The following THSD7B variants were observed in gnomAD, a reference collection of about 807,000 sequenced individuals.
THSD7B encodes thrombospondin type 1 domain containing 7B.
In THSD7B, 138 loss-of-function variants were observed where a neutral mutation model predicts 213.6. The observed-to-expected ratio is 0.65, with a 90% CI of 0.56 to 0.74. The LOEUF (loss-of-function observed/expected upper bound fraction) is 0.74, where lower values mean the gene tolerates loss of function less well. Among genes scored for constraint, THSD7B ranks in the 30% least tolerant of loss-of-function variants. THSD7B has a pLI of 0.00. For synonymous variants in THSD7B, 742 were observed against 687.0 expected (o/e 1.08, Z -1.25); for missense variants, 1,931 against 1,991.5 (o/e 0.97, Z 0.58).
rs772177834 is a variant in THSD7B, at chr2:137,655,674, G to A, written c.4105+14G>A. ...TGCCTTGCCCAGGTATGCAATGCTA[G>A]TGATTGGGAGCGCCTCCCATGGTGA... On this transcript the variant is annotated intron_variant, in intron 22 of 27. Transcript: ENST00000409968. The A allele has an allele frequency of 7.5e-6, 12 of 1,609,416 alleles. No homozygotes were observed. Among genetic ancestry groups the A allele is most frequent in the Non-Finnish European group, 1.0e-5 (12 of 1,177,412 alleles).
intron 2 of THSD7B, among the ~76,000 whole-genome samples, chr2:136,924,184 C>T (rs764195517): frequency 1.3e-5 from 2 of 152,126 alleles, no homozygotes; most frequent in East Asian, 1.9e-4. Context: ...TGGGTTCAAG[C>T]GATTTTCCTG....
At chr2:136,859,256 A>G (rs1200529452) in intron 1 of THSD7B, among the ~76,000 whole-genome samples, 1 of 152,208 alleles carries the variant, frequency 6.6e-6, no homozygotes, top group Non-Finnish European at 1.5e-5. Context: ...CCATCATTTT[A>G]TCATTTTAAA....
At chr2:137,404,466 T>TAC (rs1267898611) in intron 12 of THSD7B, among the ~76,000 whole-genome samples, 77 of 73,958 alleles carry the variant, frequency 1.0e-3, no homozygotes, top group Admixed American at 1.6e-3. Context: ...TATATATATA[T>TAC]ATATATATAC....
intron 7 of THSD7B, among the ~76,000 whole-genome samples, chr2:137,189,803 A>T (rs1022606453): frequency 6.6e-6 from 1 of 152,022 alleles, no homozygotes; most frequent in Non-Finnish European, 1.5e-5. Context: ...TATTTCACAC[A>T]AACTTCTTAC....
At chr2:136,933,735 T>A (rs1684672319) in intron 2 of THSD7B, among the ~76,000 whole-genome samples, 2 of 152,284 alleles carry the variant, frequency 1.3e-5, no homozygotes, top group East Asian at 3.9e-4. Context: ...CCCCCATCCT[T>A]CAGTATTATC....
At chr2:136,930,501 C>T (rs927627171) in intron 2 of THSD7B, among the ~76,000 whole-genome samples, 1 of 152,196 alleles carries the variant, frequency 6.6e-6, no homozygotes, top group African/African-American at 2.4e-5. Flanking sequence ...ACAGGCCATA[C>T]AAAACCATGA....
At chr2:137,588,760 C>CTTTA (rs137892635) in intron 17 of THSD7B, among the ~76,000 whole-genome samples, 17,178 of 147,010 alleles carry the variant, frequency 0.12, 1,095 homozygotes, top group Middle Eastern at 0.16. Context: ...TCATGTTGTC[C>CTTTA]TTTATTTATT....
intron 5 of THSD7B, among the ~76,000 whole-genome samples, chr2:137,141,096 A>G (rs1051248945): frequency 3.9e-5 from 6 of 152,088 alleles, no homozygotes; most frequent in Admixed American, 3.9e-4. Flanking sequence ...TCTCACATGG[A>G]GGAGTGTGAG....
chr2:137,073,458 C>T (rs143963831), intron 3 of THSD7B, among the ~76,000 whole-genome samples: 66 of 149,758 alleles, frequency 4.4e-4, no homozygotes, highest in Non-Finnish European at 3.5e-4. Context: ...ATATCCATTG[C>T]ATCTATTTGA....
intron 15 of THSD7B, among the ~76,000 whole-genome samples, chr2:137,474,237 T>G (rs1688150276): frequency 6.6e-6 from 1 of 152,224 alleles, no homozygotes; most frequent in African/African-American, 2.4e-5. Flanking sequence ...ACTATAGTTT[T>G]TCCAGAAATT....
chr2:137,549,928 C>T (rs1037764365), intron 15 of THSD7B, among the ~76,000 whole-genome samples: 3 of 151,818 alleles, frequency 2.0e-5, no homozygotes, highest in Non-Finnish European at 4.4e-5. Flanking sequence ...TGCTTTTTTT[C>T]ACTTGAACTT....
At chr2:137,167,073 GT>G (rs1191571098) in intron 6 of THSD7B, among the ~76,000 whole-genome samples, 1 of 152,140 alleles carries the variant, frequency 6.6e-6, no homozygotes, top group Non-Finnish European at 1.5e-5. Context: ...TTCACTCAGA[GT>G]TGTTACCCAA....
At chr2:136,825,617 C>T (rs992998481) in intron 1 of THSD7B, among the ~76,000 whole-genome samples, 10 of 151,868 alleles carry the variant, frequency 6.6e-5, no homozygotes, top group East Asian at 3.9e-4. Flanking sequence ...TGCAGTGGCG[C>T]GATCTTGGCT....
chr2:137,539,601 A>G (rs1004198202), intron 15 of THSD7B, among the ~76,000 whole-genome samples: 4 of 151,728 alleles, frequency 2.6e-5, no homozygotes, highest in African/African-American at 9.7e-5. Flanking sequence ...TGTATAGAGG[A>G]TGAATTTACT....
intron 7 of THSD7B, among the ~76,000 whole-genome samples, chr2:137,230,707 C>A (rs13421180): frequency 0.061 from 9,237 of 152,114 alleles, 743 homozygotes; most frequent in African/African-American, 0.18. Flanking sequence ...TTCAGGTGAA[C>A]GGACAGCTCT....
intron 1 of THSD7B, among the ~76,000 whole-genome samples, chr2:136,797,436 C>T (rs1682091117): frequency 6.6e-6 from 1 of 151,966 alleles, no homozygotes; most frequent in Non-Finnish European, 1.5e-5. Flanking sequence ...AGTGAATAAA[C>T]TCAAAGAAGA....
At chr2:137,066,329 C>T (rs1181469712) in intron 3 of THSD7B, among the ~76,000 whole-genome samples, 1 of 151,432 alleles carries the variant, frequency 6.6e-6, no homozygotes, top group African/African-American at 2.4e-5. Flanking sequence ...GTAGCTGGGA[C>T]TATAGTCATG....
intron 2 of THSD7B, among the ~76,000 whole-genome samples, chr2:136,947,016 A>G (rs773868076): frequency 5.9e-5 from 9 of 152,188 alleles, no homozygotes; most frequent in Non-Finnish European, 1.3e-4. Flanking sequence ...TCCCAGTGAG[A>G]TGAACCAGTT....
chr2:137,412,959 G>C (rs1048892200), intron 14 of THSD7B, among the ~76,000 whole-genome samples: 1 of 150,406 alleles, frequency 6.6e-6, no homozygotes, highest in African/African-American at 2.5e-5. Flanking sequence ...GTAGATTTTG[G>C]TCTTAGTCAT....
Sources: gnomAD v4.1 joint callset for allele counts (sites outside exome capture counted in the v4.1 genomes callset) on GRCh38, gnomAD v4.1.1 for gene constraint, MANE v1.5 for transcripts, NCBI Gene and HGNC (gene_info 2026-07-23, HGNC 2026-07-21) for gene names.